COL11A1: variants seen among roughly 807,000 people sequenced by gnomAD.
COL11A1 encodes collagen alpha-1(XI) chain.
Under a neutral mutation model 265.2 loss-of-function variants are expected in COL11A1, and 74 were observed. The observed-to-expected ratio is 0.28, with a 90% confidence interval of 0.23 to 0.34. COL11A1 has a LOEUF of 0.34. Ranked by LOEUF, COL11A1 falls within the 10% of genes least tolerant of loss-of-function variation. The pLI is 1.00. For synonymous variants in COL11A1, 816 were observed against 727.6 expected (o/e 1.12, Z -1.96); for missense variants, 2,165 against 2,263.6 (o/e 0.96, Z 0.88).
At chr1:103,102,635 A>G (rs1220080523) in intron 1 of COL11A1, among the ~76,000 whole-genome samples, 3 of 152,048 alleles carry the variant, frequency 2.0e-5, no homozygotes, top group Non-Finnish European at 4.4e-5. Flanking sequence ...TAAGGAGAAA[A>G]TAAAAGTGTA....
intron 28 of COL11A1, among the ~76,000 whole-genome samples, chr1:102,990,519 T>C (rs1292866475): frequency 1.3e-5 from 2 of 152,070 alleles, no homozygotes; most frequent in African/African-American, 4.8e-5. Context: ...AGTCATTTAA[T>C]GAAGAGAGGA....
chr1:102,911,274 T>C (rs1654640402), intron 54 of COL11A1, among the ~76,000 whole-genome samples: 2 of 152,144 alleles, frequency 1.3e-5, no homozygotes. Context: ...AAATATTGAT[T>C]CAAATTTGTA....
At chr1:102,977,582 C>T (rs981996818) in intron 35 of COL11A1, among the ~76,000 whole-genome samples, 1 of 152,196 alleles carries the variant, frequency 6.6e-6, no homozygotes, top group Non-Finnish European at 1.5e-5. Context: ...CAGTGGTGCT[C>T]TAAAAACAAA....
rs981924209 is a variant in COL11A1 at position 102,929,119 on chromosome 1, G to T, written c.3600+5330C>A. Among the ~76,000 whole-genome samples the T allele has an allele frequency of 8.1e-3, 1,141 of 141,546 alleles. 39 individuals are homozygous for T. Among genetic ancestry groups the T allele is most frequent in the African/African-American group, 0.028 (1,069 of 38,374 alleles). 92.9% of individuals were successfully genotyped at this position (141,546 alleles called of 152,430 possible). ...AATTAGATCCCATTTGTCAATTTTG[G>T]CTTTTGTTGCCATTGCTTTTGGTGT... On this transcript the variant is annotated intron_variant, in intron 46 of 66. Coordinates refer to ENST00000370096, the MANE Select transcript of COL11A1 (RefSeq NM_001854.4).
chr1:103,044,146 A>G (rs967639826), intron 4 of COL11A1, among the ~76,000 whole-genome samples: 2 of 151,220 alleles, frequency 1.3e-5, no homozygotes, highest in Non-Finnish European at 2.9e-5. Flanking sequence ...TGAATTTGCC[A>G]AGGCATTAAC....
intron 38 of COL11A1, among the ~76,000 whole-genome samples, chr1:102,965,130 T>C (rs1661283334): frequency 6.6e-6 from 1 of 152,202 alleles, no homozygotes; most frequent in African/African-American, 2.4e-5. Flanking sequence ...CATTTTATAA[T>C]TTAAAATTCT....
At chr1:102,948,322 G>T (rs562156479) in intron 41 of COL11A1, among the ~76,000 whole-genome samples, 3 of 152,168 alleles carry the variant, frequency 2.0e-5, no homozygotes, top group East Asian at 3.9e-4. Context: ...CTGGCTCAAA[G>T]AAGTTAACCG....
chr1:102,959,543 G>A (rs536113673), intron 41 of COL11A1, among the ~76,000 whole-genome samples: 1 of 152,130 alleles, frequency 6.6e-6, no homozygotes, highest in East Asian at 1.9e-4. Context: ...ATGTCATTAG[G>A]CATTTAATCA....
rs775861468 is a variant in COL11A1, at chr1:102,920,294, G to T, written c.3762+17C>A. On this transcript the variant is annotated intron_variant, in intron 49 of 66. Coordinates refer to ENST00000370096, the MANE Select transcript of COL11A1 (RefSeq NM_001854.4). ...TAATTCATGCTGTTTCAAACTGTGT[G>T]TCACTAACATATTTACCTTTTCTCC... 1 of 1,610,332 alleles carries T rather than the reference G, an allele frequency of 6.2e-7. No individual in the cohort carries two copies. Among genetic ancestry groups the T allele is most frequent in the African/African-American group, 1.3e-5 (1 of 74,918 alleles).
In COL11A1 at chr1:102,890,518, A is replaced by G; in HGVS notation, c.4303-14T>C. ...GCCAGGAGGTCCCTAAATAATAACA[A>G]AAAAAAAACCCCAAAACAAAAACAG... On this transcript the variant is annotated splice_polypyrimidine_tract_variant and intron_variant, in intron 57 of 66. Coordinates refer to ENST00000370096, the MANE Select transcript of COL11A1 (RefSeq NM_001854.4). 6.5e-7 allele frequency: 1 copy of G among 1,544,920 alleles called. No individual in the cohort carries two copies. The highest frequency in any genetic ancestry group is 1.8e-5 in the African/African-American group (1 of 54,114).
chr1:102,887,141 A>T, intron 62 of COL11A1, 85 bp from the exon 63 acceptor site: 1 of 1,565,800 alleles, frequency 6.4e-7, no homozygotes, highest in Non-Finnish European at 8.7e-7. Context: ...TGTTTTTGTT[A>T]TAAGAAATTA....
chr1:103,082,728 T>A (rs574319900), intron 2 of COL11A1, 77 bp downstream of exon 2: 2 of 1,253,868 alleles, frequency 1.6e-6, no homozygotes, highest in Non-Finnish European at 2.3e-6. Flanking sequence ...AAAGAAATAC[T>A]AAAAGTAGTT....
Position 103,015,658 on chromosome 1 carries a change from A to G in COL11A1, c.1488+10T>C. The G allele has an allele frequency of 1.3e-6, 2 of 1,595,284 alleles. No homozygotes were observed. The highest frequency in any genetic ancestry group is 8.6e-7 in the Non-Finnish European group (1 of 1,166,926). On this transcript the variant is annotated intron_variant, in intron 12 of 66. Coordinates refer to ENST00000370096, the MANE Select transcript of COL11A1 (RefSeq NM_001854.4). The stretch of plus-strand genomic sequence containing the variant: ...ATCAAGTCATCTCTATAACATAAAA[A>G]AGAACATACCGGTAACATCAACATA...
intron 38 of COL11A1, 70 bp downstream of exon 38, chr1:102,965,417 C>T (rs1003025841): frequency 2.2e-6 from 3 of 1,350,362 alleles, no homozygotes; most frequent in Non-Finnish European, 3.2e-6. Flanking sequence ...GAAGATTTTA[C>T]ACAACTTAGG....
At chr1:102,926,017 T>C (rs1326983772) in intron 46 of COL11A1, among the ~76,000 whole-genome samples, 4 of 152,118 alleles carry the variant, frequency 2.6e-5, no homozygotes, top group Non-Finnish European at 5.9e-5. Context: ...TGCATTTTCA[T>C]CTTTTTTATG....
intron 57 of COL11A1, among the ~76,000 whole-genome samples, chr1:102,894,861 C>T (rs188471647): frequency 3.3e-5 from 5 of 152,098 alleles, no homozygotes; most frequent in East Asian, 1.9e-4. Context: ...CTGAAACCTC[C>T]GCCTCCCAGG....
intron 55 of COL11A1, 71 bp downstream of exon 55, chr1:102,898,870 A>G: frequency 7.9e-7 from 1 of 1,269,150 alleles, no homozygotes; most frequent in Non-Finnish European, 1.1e-6. Context: ...TTTATGCATG[A>G]AATTTTCAAA....
intron 37 of COL11A1, among the ~76,000 whole-genome samples, chr1:102,967,331 C>T (rs999772565): frequency 2.1e-5 from 3 of 145,376 alleles, no homozygotes; most frequent in Non-Finnish European, 4.5e-5. Context: ...AGCTCCGCCT[C>T]CCAGGTTCAC....
intron 64 of COL11A1, among the ~76,000 whole-genome samples, chr1:102,882,869 G>T (rs1650432385): frequency 6.6e-6 from 1 of 152,096 alleles, no homozygotes. Flanking sequence ...CAGCTGTGAG[G>T]TCTCTGATGT....
Sources: allele counts gnomAD v4.1 joint callset (sites outside exome capture counted in the v4.1 genomes callset), GRCh38; gene constraint gnomAD v4.1.1; transcripts MANE v1.5; gene names NCBI Gene and HGNC (gene_info 2026-07-23, HGNC 2026-07-21).